CHCHD6: variants seen among roughly 807,000 people sequenced by gnomAD.
CHCHD6 encodes coiled-coil-helix-coiled-coil-helix domain containing 6, also known as MICOS complex subunit MIC25.
CHCHD6 carries 28 observed loss-of-function variants against 32.3 expected under a neutral mutation model. The ratio of observed to expected loss-of-function variants is 0.87; its 90% confidence interval spans 0.64 to 1.19. The LOEUF is 1.19. Ranked by LOEUF, CHCHD6 falls within the 50% of genes most tolerant of loss-of-function variation. The pLI is 0.00. For synonymous variants in CHCHD6, 122 were observed against 117.5 expected (o/e 1.04, Z -0.25); for missense variants, 333 against 307.0 (o/e 1.08, Z -0.63).
intron 4 of CHCHD6, among the ~76,000 whole-genome samples, chr3:126,815,303 A>T (rs141584268): frequency 6.6e-6 from 1 of 152,212 alleles, no homozygotes; most frequent in African/African-American, 2.4e-5. Context: ...TGTCTCTCTG[A>T]GCAGCTTCCT....
intron 5 of CHCHD6, among the ~76,000 whole-genome samples, chr3:126,912,705 GTTC>G (rs1286331564): frequency 6.6e-6 from 1 of 152,236 alleles, no homozygotes; most frequent in Non-Finnish European, 1.5e-5. Context: ...GCACCTGGTG[GTTC>G]TTCCTCATCA....
chr3:126,847,606 G>A (rs1376364558), intron 4 of CHCHD6, among the ~76,000 whole-genome samples: 1 of 152,200 alleles, frequency 6.6e-6, no homozygotes, highest in Non-Finnish European at 1.5e-5. Context: ...TCCCACAGGG[G>A]CATGAGGCCT....
intron 4 of CHCHD6, among the ~76,000 whole-genome samples, chr3:126,738,476 A>G (rs539401651): frequency 6.6e-6 from 1 of 152,344 alleles, no homozygotes; most frequent in East Asian, 1.9e-4. Context: ...AGCCTTTCTA[A>G]CAGTCCTCTC....
At chr3:126,807,235 A>T (rs80280263) in intron 4 of CHCHD6, among the ~76,000 whole-genome samples, 8,137 of 152,020 alleles carry the variant, frequency 0.054, 317 homozygotes, top group South Asian at 0.19. Flanking sequence ...TTCAGCCTCC[A>T]TAGTCCCAAA....
At position 126,852,628 on chromosome 3, in the gene CHCHD6, T is replaced by C; in HGVS notation, c.412-19T>C. ...ACCATCGCTGCTGGCTAACGTGGGC[T>C]TTGTTCTCTTCCAAGCAGGCCAGGG... On this transcript the variant is annotated intron_variant, in intron 4 of 7. Transcript: ENST00000290913. 6.2e-7 allele frequency: 1 copy of C among 1,607,826 alleles called. No homozygotes were observed. Among genetic ancestry groups the C allele is most frequent in the Non-Finnish European group, 8.5e-7 (1 of 1,174,446 alleles).
intron 5 of CHCHD6, among the ~76,000 whole-genome samples, chr3:126,883,103 G>A (rs2077632863): frequency 6.6e-6 from 1 of 152,216 alleles, no homozygotes; most frequent in Non-Finnish European, 1.5e-5. Flanking sequence ...AGAGCTTCCA[G>A]GTAGCTGAAC....
intron 4 of CHCHD6, among the ~76,000 whole-genome samples, chr3:126,844,390 T>G (rs924233691): frequency 1.3e-5 from 2 of 152,224 alleles, no homozygotes; most frequent in Non-Finnish European, 2.9e-5. Context: ...TTTAGGAGTT[T>G]TATTATAAGT....
chr3:126,791,858 G>A (rs1938561818), intron 4 of CHCHD6, among the ~76,000 whole-genome samples: 1 of 152,180 alleles, frequency 6.6e-6, no homozygotes, highest in Non-Finnish European at 1.5e-5. Context: ...CGATCCACCT[G>A]CCTTGGCCTC....
At position 126,850,889 on chromosome 3, in the gene CHCHD6, A is replaced by G. The variant is rs180832810; in HGVS notation, c.412-1758A>G. Among the ~76,000 whole-genome samples the G allele has an allele frequency of 2.1e-3, 327 of 152,286 alleles. 4 individuals carry two copies. Among genetic ancestry groups the G allele is most frequent in the South Asian group, 0.02 (98 of 4,830 alleles). ...AGCACACTTTGAAAAGCCCTGTGAG[A>G]AATTCCTGGCATTTAGTCCCACTGT... On this transcript the variant is annotated intron_variant, in intron 4 of 7. Coordinates refer to ENST00000290913, the MANE Select transcript of CHCHD6 (RefSeq NM_032343.3).
Position 126,708,451 on chromosome 3 carries a change from C to T in CHCHD6, c.87+4052C>T, listed in dbSNP as rs371861748. Among the ~76,000 whole-genome samples the T allele has an allele frequency of 9.2e-5, 14 of 152,196 alleles. No homozygotes were observed. In the East Asian group the frequency reaches 1.5e-3, roughly 17 times the overall value. The stretch of plus-strand genomic sequence containing the variant: ...TGTGAACATGTTATTCTGGAGGCCA[C>T]GCTGCAGTTCTCTGGTCAGGAGCAG... On this transcript the variant is annotated intron_variant, in intron 1 of 7. Transcript: ENST00000290913.
At chr3:126,941,971 A>G (rs1257248521) in intron 6 of CHCHD6, among the ~76,000 whole-genome samples, 1 of 152,178 alleles carries the variant, frequency 6.6e-6, no homozygotes, top group Non-Finnish European at 1.5e-5. Context: ...TCTGTCATGC[A>G]TCATCAGCTC....
intron 6 of CHCHD6, among the ~76,000 whole-genome samples, chr3:126,916,324 C>A (rs2078170143): frequency 6.6e-6 from 1 of 151,834 alleles, no homozygotes; most frequent in African/African-American, 2.4e-5. Flanking sequence ...TCACTTGAAC[C>A]TGGGAGGCGG....
chr3:126,814,514 G>C (rs1939792225), intron 4 of CHCHD6, among the ~76,000 whole-genome samples: 1 of 152,206 alleles, frequency 6.6e-6, no homozygotes, highest in Non-Finnish European at 1.5e-5. Flanking sequence ...CTAAGGTTAA[G>C]TTGATCACCA....
chr3:126,903,085 G>A (rs1341122542), intron 5 of CHCHD6, among the ~76,000 whole-genome samples: 2 of 152,164 alleles, frequency 1.3e-5, no homozygotes, highest in Admixed American at 1.3e-4. Context: ...AGGGGAACTG[G>A]GGCCTGCTCT....
At chr3:126,779,667 G>C (rs1473667558) in intron 4 of CHCHD6, among the ~76,000 whole-genome samples, 1 of 152,054 alleles carries the variant, frequency 6.6e-6, no homozygotes, top group Non-Finnish European at 1.5e-5. Context: ...ACAAAACTCT[G>C]GATATCCAGT....
chr3:126,895,051 A>G (rs1280266841), intron 5 of CHCHD6, among the ~76,000 whole-genome samples: 1 of 152,248 alleles, frequency 6.6e-6, no homozygotes, highest in Non-Finnish European at 1.5e-5. Flanking sequence ...TACTTTACCC[A>G]AATGGAATCA....
At chr3:126,805,514 A>G (rs201698548) in intron 4 of CHCHD6, among the ~76,000 whole-genome samples, 2,245 of 152,226 alleles carry the variant, frequency 0.015, 83 homozygotes, top group East Asian at 0.14. Flanking sequence ...GGACCTCTTC[A>G]AGGAGAACTA....
intron 4 of CHCHD6, among the ~76,000 whole-genome samples, chr3:126,827,431 A>G (rs1279461632): frequency 2.0e-5 from 3 of 152,198 alleles, no homozygotes; most frequent in Admixed American, 6.5e-5. Flanking sequence ...TGTAGCAGGA[A>G]AAGTCCACAT....
At chr3:126,845,568 G>T (rs1419421948) in intron 4 of CHCHD6, among the ~76,000 whole-genome samples, 2 of 151,986 alleles carry the variant, frequency 1.3e-5, no homozygotes, top group Non-Finnish European at 2.9e-5. Flanking sequence ...CTTCTACTGG[G>T]ACTCCAATTA....
Sources: allele counts gnomAD v4.1 joint callset (sites outside exome capture counted in the v4.1 genomes callset), GRCh38; gene constraint gnomAD v4.1.1; transcripts MANE v1.5; gene names NCBI Gene and HGNC (gene_info 2026-07-23, HGNC 2026-07-21).